The following RSPH6A variants were observed in gnomAD, a reference collection of about 807,000 sequenced individuals.
RSPH6A encodes radial spoke head protein 6 homolog A.
RSPH6A carries 49 observed loss-of-function variants against 66.1 expected under a neutral mutation model. The ratio of observed to expected loss-of-function variants is 0.74; its 90% CI spans 0.59 to 0.94. The LOEUF (loss-of-function observed/expected upper bound fraction) is 0.94, where lower values mean the gene tolerates loss of function less well. Among genes scored for constraint, RSPH6A ranks in the 40% least tolerant of loss-of-function variants. The pLI, the probability that RSPH6A is intolerant of heterozygous loss-of-function variation, is 0.00. For missense variants in RSPH6A, 977 were observed against 948.3 expected, an observed-to-expected ratio of 1.03 and a Z score of -0.40; for synonymous variants, 419 against 402.4, an observed-to-expected ratio of 1.04 and a Z score of -0.49.
In RSPH6A at chr19:45,800,579, A is replaced by G. The variant is rs2036022868; in HGVS notation, c.1799-16T>C. ...TGCATGATTTCTGTGGTGGAGAGGCAGCAGAGGGGGGCAGCAGGGTCAGGG... is the reference window on the plus strand; with the variant it reads ...TGCATGATTTCTGTGGTGGAGAGGCGGCAGAGGGGGGCAGCAGGGTCAGGG... On this transcript the variant is annotated splice_polypyrimidine_tract_variant and intron_variant, in intron 4 of 5. Transcript: ENST00000221538. 6 of 1,603,644 alleles carry G rather than the reference A, an allele frequency of 3.7e-6. No individual in the cohort carries two copies. Among genetic ancestry groups the G allele is most frequent in the Non-Finnish European group, 5.1e-6 (6 of 1,173,982 alleles).
intron 1 of RSPH6A, among the ~76,000 whole-genome samples, chr19:45,813,342 C>T (rs1350628826): frequency 6.6e-6 from 1 of 151,994 alleles, no homozygotes; most frequent in African/African-American, 2.4e-5. Context: ...CCTTCACTGA[C>T]CCACACAATT....
intron 5 of RSPH6A, among the ~76,000 whole-genome samples, chr19:45,796,838 G>A (rs1169411745): frequency 1.3e-5 from 2 of 152,050 alleles, no homozygotes; most frequent in South Asian, 2.1e-4. Context: ...TAGTAGAGAG[G>A]GGGTTTCATC....
At chr19:45,811,600 G>A (rs929043221) in intron 1 of RSPH6A, among the ~76,000 whole-genome samples, 1 of 151,586 alleles carries the variant, frequency 6.6e-6, no homozygotes, top group African/African-American at 2.4e-5. Context: ...ACCATGTCCC[G>A]CTAATTTTTT....
At chr19:45,799,864 T>G (rs1295034096) in intron 5 of RSPH6A, among the ~76,000 whole-genome samples, 2 of 152,144 alleles carry the variant, frequency 1.3e-5, no homozygotes, top group African/African-American at 4.8e-5. Context: ...CTGGCCAACA[T>G]GGTGAAATCT....
At chr19:45,796,491 T>C (rs532917067) in intron 5 of RSPH6A, among the ~76,000 whole-genome samples, 10 of 151,908 alleles carry the variant, frequency 6.6e-5, no homozygotes, top group East Asian at 1.9e-4. Context: ...AGCATGTGCA[T>C]AGCATGACTG....
intron 3 of RSPH6A, among the ~76,000 whole-genome samples, chr19:45,802,487 T>C (rs975525078): frequency 4.0e-5 from 6 of 149,738 alleles, no homozygotes; most frequent in African/African-American, 1.5e-4. Flanking sequence ...CATTCATGCA[T>C]TCATTCACTC....
Position 45,802,119 on chromosome 19 carries a change from C to T in RSPH6A, c.1798+1G>A, listed in dbSNP as rs1970480787. The T allele has an allele frequency of 6.6e-7, 1 of 1,523,274 alleles. No individual in the cohort carries two copies. The highest frequency in any genetic ancestry group is 1.8e-4 in the Middle Eastern group (1 of 5,656). 94.4% of individuals were successfully genotyped at this position (1,523,274 alleles called of 1,614,324 possible). A position where few individuals can be genotyped will look rare whatever the true frequency, so the allele number is the denominator to read the frequency against. On this transcript the variant is annotated splice_donor_variant, in intron 4 of 5. Transcript: ENST00000221538. LOFTEE classifies it high-confidence loss of function. ...TGTACAGGCTGAGAGGGCTTCCTTA[C>T]CTGCATCTTCTGAAAGTGGCGTTAG...
chr19:45,797,214 A>G (rs1486514545), intron 5 of RSPH6A, among the ~76,000 whole-genome samples: 1 of 151,590 alleles, frequency 6.6e-6, no homozygotes, highest in African/African-American at 2.4e-5. Flanking sequence ...GTCTCTACTA[A>G]AAATACAAAA....
In RSPH6A at chr19:45,804,663, G is replaced by T. The variant is rs769621507; in HGVS notation, c.1242C>A (p.Ile414=). 1 of 1,614,058 alleles carries T rather than the reference G, an allele frequency of 6.2e-7. No individual in the cohort carries two copies. Residue 414 remains isoleucine, a synonymous_variant, in exon 3 of 6, where the codon ATC becomes ATA. Transcript: ENST00000221538. This position sits in a 1 kb window ranked among gnomAD's most constrained non-coding sequence, Gnocchi z 5.8. ...PKSVWKPPPV[I]PKEESRSGAN... Reference sequence around the variant, plus strand: ...CGCCTGAGCGGCTCTCCTCCTTGGGGATCACGGGCGGCGGCTTCCATACGG... The same window carrying T: ...CGCCTGAGCGGCTCTCCTCCTTGGGTATCACGGGCGGCGGCTTCCATACGG...
rs758784211 is a variant in RSPH6A, at chr19:45,810,648, C to G, written c.843G>C (p.Arg281=). The G allele has an allele frequency of 1.9e-6, 3 of 1,614,028 alleles. No homozygotes were observed. Among genetic ancestry groups the G allele is most frequent in the Non-Finnish European group, 2.5e-6 (3 of 1,180,034 alleles). Residue 281 remains arginine (R), a synonymous_variant, in exon 2 of 6, where the codon CGG becomes CGC. Transcript: ENST00000221538. ...MAEKQKALFT[R]SGGGTEGEQE... is the part of the protein sequence containing the mutation. ...GTTCGCCTTCAGTGCCGCCTCCACT[C>G]CGGGTGAACAGCGCCTTCTGTTTCT...
intron 1 of RSPH6A, among the ~76,000 whole-genome samples, chr19:45,813,487 G>A (rs566176803): frequency 6.6e-6 from 1 of 151,914 alleles, no homozygotes. Flanking sequence ...GGGATTACAG[G>A]CCCATGCTAC....
At chr19:45,805,797 G>A (rs1970536737) in intron 2 of RSPH6A, among the ~76,000 whole-genome samples, 2 of 152,050 alleles carry the variant, frequency 1.3e-5, no homozygotes, top group South Asian at 4.2e-4. Flanking sequence ...CCCTTGGACA[G>A]GATGTCCCTG....
chr19:45,813,869 G>GCCC (rs1970662171), intron 1 of RSPH6A, among the ~76,000 whole-genome samples: 1 of 152,092 alleles, frequency 6.6e-6, no homozygotes, highest in Admixed American at 6.6e-5. Flanking sequence ...GGATAAGAGG[G>GCCC]TCTCAGGAGG....
chr19:45,813,632 A>G (rs1354451906), intron 1 of RSPH6A, among the ~76,000 whole-genome samples: 1 of 152,222 alleles, frequency 6.6e-6, no homozygotes, highest in Admixed American at 6.5e-5. Context: ...GGCGTGAGCC[A>G]CCGCACCTGG....
rs777674104 is a variant in RSPH6A at position 45,814,655 on chromosome 19, C to T, written c.522G>A (p.Gln174=). ...GPYIRDDPAL[Q]FLPSELGFPH... ...GGAAGCCCAGCTCAGAGGGCAAGAA[C>T]TGAAGGGCAGGGTCATCCCTTATGT... is the stretch of plus-strand genomic sequence containing the variant. Residue 174 remains glutamine, a synonymous_variant, in exon 1 of 6, where the codon CAG becomes CAA. Transcript: ENST00000221538. 3 of 1,610,018 alleles carry T rather than the reference C, an allele frequency of 1.9e-6. No homozygotes were observed. The highest frequency in any genetic ancestry group is 2.2e-5 in the South Asian group (2 of 90,464).
Position 45,796,039 on chromosome 19 carries a change from G to A in RSPH6A, c.1984C>T (p.Pro662Ser), listed in dbSNP as rs577242494. The change falls in exon 6 of 6, where the codon CCA (proline) becomes TCA (serine). Residue 662 changes from proline to serine, a missense_variant. Physicochemically the swap from Pro to Ser is moderately conservative, Grantham distance 74. Transcript: ENST00000221538. ...YSPESFNPAL[P>S]APIQQEYPSG... ...GGGTACTCTTGTTGAATGGGGGCTG[G>A]CAGGGCCGGGTTGAAGCTCTCGGGG... The A allele has an allele frequency of 2.2e-4, 347 of 1,613,480 alleles. 3 individuals carry two copies. In the South Asian group the frequency reaches 3.7e-3, roughly 17 times the overall value.
At chr19:45,809,688 T>G (rs1255524766) in intron 2 of RSPH6A, among the ~76,000 whole-genome samples, 2 of 152,088 alleles carry the variant, frequency 1.3e-5, no homozygotes, top group African/African-American at 4.8e-5. Context: ...CTGTCAGCAG[T>G]AAACAGGAGA....
intron 2 of RSPH6A, among the ~76,000 whole-genome samples, chr19:45,809,266 G>T (rs959525387): frequency 1.4e-5 from 2 of 145,264 alleles, no homozygotes; most frequent in African/African-American, 5.2e-5. Context: ...CTCCCAAAGT[G>T]CTAGGATTAC....
intron 1 of RSPH6A, among the ~76,000 whole-genome samples, chr19:45,811,139 G>A (rs191262428): frequency 1.3e-4 from 20 of 151,086 alleles, no homozygotes; most frequent in African/African-American, 4.4e-4. Flanking sequence ...GATTATAGGC[G>A]CCCGCCACCA....
Sources: allele counts gnomAD v4.1 joint callset (sites outside exome capture counted in the v4.1 genomes callset), GRCh38; gene constraint gnomAD v4.1.1; non-coding constraint Gnocchi (gnomAD v3.1); transcripts MANE v1.5; gene names NCBI Gene and HGNC (gene_info 2026-07-23, HGNC 2026-07-21).